CACNA1B: variants seen among roughly 807,000 people sequenced by gnomAD.
CACNA1B encodes voltage-dependent N-type calcium channel subunit alpha-1B.
CACNA1B carries 70 observed loss-of-function variants against 247.2 expected under a neutral mutation model. The observed-to-expected ratio is 0.28, with a 90% CI of 0.23 to 0.35. The LOEUF (loss-of-function observed/expected upper bound fraction) is 0.35, where lower values mean the gene tolerates loss of function less well. CACNA1B is among the 10% of genes least tolerant of loss of function. CACNA1B has a pLI of 1.00. For synonymous variants in CACNA1B, 1,231 were observed against 1,294.4 expected (o/e 0.95, Z 1.05); for missense variants, 2,367 against 3,197.4 (o/e 0.74, Z 6.26).
At chr9:137,907,535 C>T (rs1324841720) in intron 3 of CACNA1B, among the ~76,000 whole-genome samples, 1 of 152,294 alleles carries the variant, frequency 6.6e-6, no homozygotes, top group Non-Finnish European at 1.5e-5. Flanking sequence ...GGCAGCTCTT[C>T]GTTATTTTAA....
chr9:137,964,551 T>C (rs1421993212), intron 10 of CACNA1B, among the ~76,000 whole-genome samples: 1 of 152,242 alleles, frequency 6.6e-6, no homozygotes, highest in Non-Finnish European at 1.5e-5. Flanking sequence ...AGGTTGGTTA[T>C]GTTCCTTTCT....
chr9:137,997,656 G>A (rs910676964), intron 15 of CACNA1B, among the ~76,000 whole-genome samples: 2 of 152,198 alleles, frequency 1.3e-5, no homozygotes, highest in Non-Finnish European at 2.9e-5. Flanking sequence ...CCAAAATTAA[G>A]AGATCTAACA....
intron 3 of CACNA1B, among the ~76,000 whole-genome samples, chr9:137,883,376 G>A (rs1284551703): frequency 6.6e-6 from 1 of 152,172 alleles, no homozygotes; most frequent in African/African-American, 2.4e-5. Flanking sequence ...CCTGGGATGA[G>A]GCTGTGTGTG....
intron 19 of CACNA1B, among the ~76,000 whole-genome samples, 155 bp from the exon 20 acceptor site, chr9:138,024,799 TA>T (rs1353522718): frequency 6.6e-6 from 1 of 152,192 alleles, no homozygotes; most frequent in East Asian, 1.9e-4. Flanking sequence ...CACGCCCAGC[TA>T]ATTTTTTAAT....
chr9:138,076,422 G>A (rs1035460261), intron 35 of CACNA1B, among the ~76,000 whole-genome samples: 4 of 152,200 alleles, frequency 2.6e-5, no homozygotes, highest in Non-Finnish European at 5.9e-5. Context: ...CAGAACTGCC[G>A]ATCTGAACAC....
chr9:137,915,386 T>C (rs906570469), intron 5 of CACNA1B, among the ~76,000 whole-genome samples: 2 of 152,124 alleles, frequency 1.3e-5, no homozygotes, highest in Admixed American at 1.3e-4. Context: ...GCCAGGGTGT[T>C]GTGATAGAGG....
At chr9:138,061,132 C>T (rs1300071403) in intron 31 of CACNA1B, among the ~76,000 whole-genome samples, 1 of 152,214 alleles carries the variant, frequency 6.6e-6, no homozygotes, top group African/African-American at 2.4e-5. Flanking sequence ...CAGTGAAGCC[C>T]CTGATTCCCA....
In CACNA1B at chr9:138,054,163, G is replaced by A. The variant is rs1200615926; in HGVS notation, c.3968+157G>A. On this transcript the variant is annotated intron_variant, in intron 26 of 46. Coordinates refer to ENST00000371372, the MANE Select transcript of CACNA1B (RefSeq NM_000718.4). The surrounding 1 kb of genome is among the most constrained non-coding windows in gnomAD (Gnocchi z 4.6). ...CTGAGGGCCGAGGAGGGGCTTGCTT[G>A]AGAAGGGCTAGAGTCACCACAGAAG... Among the ~76,000 whole-genome samples, 1 of 152,162 alleles carries A rather than the reference G, an allele frequency of 6.6e-6. No individual in the cohort carries two copies. The highest frequency in any genetic ancestry group is 1.5e-5 in the Non-Finnish European group (1 of 68,010).
At chr9:138,075,717 G>A (rs747425744) in intron 34 of CACNA1B, 102 bp from the exon 35 acceptor site, 93 of 720,522 alleles carry the variant, frequency 1.3e-4, no homozygotes, top group Admixed American at 4.2e-4. Context: ...CCCATCTCAC[G>A]TGGGGTCCTT....
chr9:137,885,137 C>G (rs1956992009), intron 3 of CACNA1B, among the ~76,000 whole-genome samples: 1 of 150,176 alleles, frequency 6.7e-6, no homozygotes, highest in South Asian at 2.2e-4. Context: ...CTGGGCGTTG[C>G]TGGGGTGGCT....
chr9:138,065,478 C>T (rs995474176), intron 31 of CACNA1B, among the ~76,000 whole-genome samples: 2 of 152,206 alleles, frequency 1.3e-5, no homozygotes, highest in African/African-American at 4.8e-5. Flanking sequence ...GGGGACGCTC[C>T]TGCAGGCCCA....
chr9:138,054,347 G>A lies in CACNA1B; in HGVS notation c.3968+341G>A, dbSNP rs1365468599. On this transcript the variant is annotated intron_variant, in intron 26 of 46. Transcript: ENST00000371372. The surrounding 1 kb of genome is among the most constrained non-coding windows in gnomAD (Gnocchi z 4.6). The stretch of plus-strand genomic sequence containing the variant: ...TCTAAGCCCTAGAGATCTTGGCTGG[G>A]CTGTAAGGTCAGAGGGGCTGCCCGA... 1.3e-5 allele frequency among the ~76,000 whole-genome samples: 2 copies of A among 152,240 alleles called. No individual in the cohort carries two copies. Among genetic ancestry groups the A allele is most frequent in the Admixed American group, 6.5e-5 (1 of 15,286 alleles).
Position 137,952,708 on chromosome 9 carries a change from A to T in CACNA1B, c.1070+331A>T, listed in dbSNP as rs7469448. Among the ~76,000 whole-genome samples, 875 of 68,878 alleles carry T rather than the reference A, an allele frequency of 0.013. 8 individuals carry two copies. The highest frequency in any genetic ancestry group is 0.028 in the Admixed American group (255 of 9,238). 45.2% of individuals were successfully genotyped at this position (68,878 alleles called of 152,430 possible). A position where few individuals can be genotyped will look rare whatever the true frequency, so the allele number is the denominator to read the frequency against. ...GGGGGGATGGGAGGTGTGGTCTGTA[A>T]TGGGAGGTTGGTCTGGGGGGATGGG... On this transcript the variant is annotated intron_variant, in intron 7 of 46. Coordinates refer to ENST00000371372, the MANE Select transcript of CACNA1B (RefSeq NM_000718.4). The surrounding 1 kb of genome is among the most constrained non-coding windows in gnomAD (Gnocchi z 4.8).
rs1374348003 is a variant in CACNA1B, at chr9:138,072,391, G to A, written c.4675-1097G>A. 6.6e-6 allele frequency among the ~76,000 whole-genome samples: 1 copy of A among 152,258 alleles called. No individual in the cohort carries two copies. The highest frequency in any genetic ancestry group is 2.4e-5 in the African/African-American group (1 of 41,476). On this transcript the variant is annotated intron_variant, in intron 32 of 46. Transcript: ENST00000371372. This position sits in a 1 kb window ranked among gnomAD's most constrained non-coding sequence, Gnocchi z 4.5. ...CTCATTCCCACCTAACGGTAGCCCT[G>A]GAGAGTCGGGATGCTCTGCCAGGCC...
At chr9:138,113,844 T>C (rs369031117) in intron 40 of CACNA1B, among the ~76,000 whole-genome samples, 1 of 126,868 alleles carries the variant, frequency 7.9e-6, no homozygotes, top group Admixed American at 7.9e-5. Context: ...CTCCATCTTG[T>C]GGGAGACGTG....
intron 36 of CACNA1B, among the ~76,000 whole-genome samples, chr9:138,095,666 A>C (rs1056518933): frequency 1.3e-5 from 2 of 152,236 alleles, no homozygotes; most frequent in African/African-American, 4.8e-5. Flanking sequence ...AAACTTGTAC[A>C]TGAATGTTTA....
chr9:138,003,879 C>CCTAGTCCCA (rs1958613504), intron 15 of CACNA1B, among the ~76,000 whole-genome samples: 1 of 150,466 alleles, frequency 6.6e-6, no homozygotes, highest in African/African-American at 2.4e-5. Context: ...ACCTTGGCCT[C>CCTAGTCCCA]CCAAAGCGCT....
At chr9:137,908,409 G>A (rs917930697) in intron 3 of CACNA1B, among the ~76,000 whole-genome samples, 3 of 151,824 alleles carry the variant, frequency 2.0e-5, no homozygotes, top group East Asian at 4.0e-4. Flanking sequence ...CCAGCTACTC[G>A]GGAGGCTGAG....
intron 38 of CACNA1B, among the ~76,000 whole-genome samples, chr9:138,104,962 G>C (rs1288670084): frequency 2.0e-5 from 3 of 152,258 alleles, no homozygotes; most frequent in Non-Finnish European, 4.4e-5. Context: ...CTGGCAACAG[G>C]CTGTCCACCT....
Sources: gnomAD v4.1 joint callset for allele counts (sites outside exome capture counted in the v4.1 genomes callset) on GRCh38, gnomAD v4.1.1 for gene constraint, Gnocchi (gnomAD v3.1) non-coding constraint, MANE v1.5 for transcripts, NCBI Gene and HGNC (gene_info 2026-07-23, HGNC 2026-07-21) for gene names.